The following BCAR3 variants were observed in gnomAD, a reference collection of about 807,000 sequenced individuals.
BCAR3 encodes the protein BCAR3 adaptor protein, NSP family member.
BCAR3 carries 37 observed loss-of-function variants against 80.1 expected under a neutral mutation model. The observed-to-expected ratio is 0.46, with a 90% CI of 0.36 to 0.61. The LOEUF is 0.61. BCAR3 is among the 20% of genes least tolerant of loss of function. The pLI is 0.00. For missense variants in BCAR3, 978 were observed against 1,068.2 expected (o/e 0.92, Z 1.18); for synonymous variants, 389 against 418.9 (o/e 0.93, Z 0.87).
chr1:93,846,728 A>C, intron 1 of BCAR3: 1 of 372,380 alleles, frequency 2.7e-6, no homozygotes, highest in South Asian at 2.0e-5. Context: ...GCTTCCGCCC[A>C]CGCAGTCGCG....
intron 2 of BCAR3, among the ~76,000 whole-genome samples, chr1:93,835,828 T>A (rs1416216994): frequency 6.6e-6 from 1 of 152,172 alleles, no homozygotes; most frequent in South Asian, 2.1e-4. Flanking sequence ...GTAGACACTT[T>A]CACTGGATGG....
intron 3 of BCAR3, among the ~76,000 whole-genome samples, chr1:93,596,186 G>A (rs1162510063): frequency 6.6e-6 from 1 of 152,156 alleles, no homozygotes; most frequent in Admixed American, 6.5e-5. Context: ...TCTAAGGCAA[G>A]GGCAGAAGAG....
chr1:93,595,938 C>T (rs773936638), intron 3 of BCAR3, among the ~76,000 whole-genome samples: 2 of 152,204 alleles, frequency 1.3e-5, no homozygotes, highest in South Asian at 2.1e-4. Flanking sequence ...TCTGCTGCCA[C>T]GTGGGAAGAA....
chr1:93,589,503 C>A, intron 4 of BCAR3, 84 bp from the exon 5 acceptor site: 2 of 1,199,002 alleles, frequency 1.7e-6, no homozygotes, highest in South Asian at 1.5e-5. Context: ...CTTCTCTGGG[C>A]CAACAGAAGA....
chr1:93,827,175 T>C (rs926111776), intron 2 of BCAR3, among the ~76,000 whole-genome samples: 2 of 151,982 alleles, frequency 1.3e-5, no homozygotes, highest in Non-Finnish European at 2.9e-5. Context: ...GAACATGGTG[T>C]CTAACAAGTG....
intron 3 of BCAR3, among the ~76,000 whole-genome samples, chr1:93,692,156 G>T (rs1263589828): frequency 6.6e-6 from 1 of 152,192 alleles, no homozygotes; most frequent in Non-Finnish European, 1.5e-5. Flanking sequence ...TCGCCGCACA[G>T]CTCGGCATCC....
intron 2 of BCAR3, among the ~76,000 whole-genome samples, chr1:93,752,117 A>G (rs745588896): frequency 6.6e-6 from 1 of 152,184 alleles, no homozygotes; most frequent in Non-Finnish European, 1.5e-5. Flanking sequence ...GCAAGAGGCC[A>G]CCCTCTTCAA....
chr1:93,841,697 C>T (rs1302918177), intron 2 of BCAR3, among the ~76,000 whole-genome samples: 1 of 152,256 alleles, frequency 6.6e-6, no homozygotes, highest in Admixed American at 6.5e-5. Flanking sequence ...AAGCCTTCCC[C>T]TTTCGGGACC....
At chr1:93,607,153 T>G (rs530004930) in intron 3 of BCAR3, among the ~76,000 whole-genome samples, 59 of 152,268 alleles carry the variant, frequency 3.9e-4, no homozygotes, top group African/African-American at 1.4e-3. Context: ...GGTACAATGT[T>G]CATTATTTGG....
rs1673929769 is a variant in BCAR3 at position 93,586,027 on chromosome 1, GC to G, written c.930-1907del. Reference sequence around the variant, plus strand: ...GTATCATGGAGAATGGGGTATCCATGCCCTCTAGCATTTATCCTTTGAGTTA... The same window carrying G: ...GTATCATGGAGAATGGGGTATCCATGCCTCTAGCATTTATCCTTTGAGTTA... On this transcript the variant is annotated intron_variant, in intron 5 of 11. Transcript: ENST00000260502. The surrounding 1 kb of genome is among the most constrained non-coding windows in gnomAD (Gnocchi z 4.2). 6.6e-6 allele frequency among the ~76,000 whole-genome samples: 1 copy of G among 152,134 alleles called. No homozygotes were observed. The highest frequency in any genetic ancestry group is 2.4e-5 in the African/African-American group (1 of 41,412).
intron 3 of BCAR3, among the ~76,000 whole-genome samples, chr1:93,703,367 A>G (rs1034336213): frequency 5.3e-5 from 8 of 152,166 alleles, no homozygotes; most frequent in Admixed American, 4.6e-4. Context: ...TTGAAGCAGG[A>G]GTTCAAGACC....
chr1:93,644,950 T>C (rs1007993723), intron 2 of BCAR3, among the ~76,000 whole-genome samples: 1 of 152,242 alleles, frequency 6.6e-6, no homozygotes, highest in Non-Finnish European at 1.5e-5. Context: ...GGGTCTCCTC[T>C]ATTGCTTTTT....
upstream of BCAR3, chr1:93,681,892 C>A (rs1279248096): frequency 6.6e-6 from 1 of 152,288 alleles, no homozygotes; most frequent in African/African-American, 2.4e-5. Flanking sequence ...TCCGCGGCCC[C>A]ACCCCGGCGA....
At chr1:93,845,970 A>G (rs976016233) in intron 1 of BCAR3, among the ~76,000 whole-genome samples, 6 of 152,192 alleles carry the variant, frequency 3.9e-5, no homozygotes, top group Non-Finnish European at 8.8e-5. Flanking sequence ...GAAACCGTGA[A>G]AGCTAACGTG....
Position 93,586,342 on chromosome 1 carries a change from A to G in BCAR3, c.930-2221T>C, listed in dbSNP as rs1673940601. ...TGTCTGGCTTATTTCACTTAACATA[A>G]TGATCTCCAATTCCATCCACGTGGT... On this transcript the variant is annotated intron_variant, in intron 5 of 11. Transcript: ENST00000260502. The surrounding 1 kb of genome is among the most constrained non-coding windows in gnomAD (Gnocchi z 4.2). Among the ~76,000 whole-genome samples the G allele has an allele frequency of 6.6e-6, 1 of 152,180 alleles. No homozygotes were observed. The highest frequency in any genetic ancestry group is 1.5e-5 in the Non-Finnish European group (1 of 68,030).
intron 2 of BCAR3, among the ~76,000 whole-genome samples, chr1:93,761,963 T>C (rs1651960898): frequency 1.3e-5 from 2 of 152,160 alleles, no homozygotes; most frequent in Non-Finnish European, 2.9e-5. Context: ...GGGTTTATGA[T>C]AAGAGCACCA....
chr1:93,587,491 CGCTT>C (rs1168665279), intron 5 of BCAR3, among the ~76,000 whole-genome samples: 1 of 152,214 alleles, frequency 6.6e-6, no homozygotes, highest in Non-Finnish European at 1.5e-5. Flanking sequence ...AAGGTCAAGT[CGCTT>C]GCCCATGGTT....
chr1:93,732,452 A>C (rs1650822682), intron 2 of BCAR3, among the ~76,000 whole-genome samples: 1 of 151,978 alleles, frequency 6.6e-6, no homozygotes, highest in Non-Finnish European at 1.5e-5. Context: ...CTGTCTCTAC[A>C]AAAAATACAA....
intron 2 of BCAR3, among the ~76,000 whole-genome samples, chr1:93,730,365 G>A (rs1230748675): frequency 6.6e-6 from 1 of 152,138 alleles, no homozygotes; most frequent in African/African-American, 2.4e-5. Context: ...TGGGCTGACA[G>A]TGGGTGTGCA....
Sources: gnomAD v4.1 joint callset for allele counts (sites outside exome capture counted in the v4.1 genomes callset) on GRCh38, gnomAD v4.1.1 for gene constraint, Gnocchi (gnomAD v3.1) non-coding constraint, MANE v1.5 for transcripts, NCBI Gene and HGNC (gene_info 2026-07-23, HGNC 2026-07-21) for gene names.